KCMF1: variants seen among roughly 807,000 people sequenced by gnomAD.
The protein encoded by KCMF1 is potassium channel modulatory factor 1.
In KCMF1, 3 loss-of-function variants were observed where a neutral mutation model predicts 41.1. That is an observed-to-expected ratio of 0.07 (90% CI 0.03 to 0.19). The LOEUF (loss-of-function observed/expected upper bound fraction) is 0.19, where lower values mean the gene tolerates loss of function less well. Ranked by LOEUF, KCMF1 falls within the 10% of genes least tolerant of loss-of-function variation. KCMF1 has a pLI of 1.00. For missense variants in KCMF1, 286 were observed against 488.9 expected, an observed-to-expected ratio of 0.58 and a Z score of 3.91; for synonymous variants, 142 against 164.5, an observed-to-expected ratio of 0.86 and a Z score of 1.04.
rs78359796 is a variant in KCMF1, at chr2:85,004,197, G to A, written c.17-23692G>A. 4.9e-3 allele frequency among the ~76,000 whole-genome samples: 738 copies of A among 152,148 alleles called. 2 individuals are homozygous for A. The highest frequency in any genetic ancestry group is 0.012 in the South Asian group (57 of 4,814). ...ATATTTTCAGACCACTGTTGACCAC[G>A]GATAACTGAAACCTCAGAAAGCAAA... On this transcript the variant is annotated intron_variant, in intron 1 of 6. Transcript: ENST00000409785.
intron 1 of KCMF1, among the ~76,000 whole-genome samples, chr2:84,999,259 T>C (rs1674269714): frequency 6.6e-6 from 1 of 152,076 alleles, no homozygotes; most frequent in Admixed American, 6.6e-5. Flanking sequence ...GAAGCAATTC[T>C]TCTGCCTCAG....
intron 4 of KCMF1, among the ~76,000 whole-genome samples, chr2:85,044,318 G>A (rs1675612073): frequency 6.6e-6 from 1 of 152,014 alleles, no homozygotes; most frequent in South Asian, 2.1e-4. Flanking sequence ...CCGAGTTCCT[G>A]AGTAGGATAG....
At chr2:84,977,414 G>A (rs1391258568) in intron 1 of KCMF1, among the ~76,000 whole-genome samples, 1 of 152,032 alleles carries the variant, frequency 6.6e-6, no homozygotes, top group African/African-American at 2.4e-5. Context: ...AACAGATTAT[G>A]ACATTCTTAA....
At position 85,053,656 on chromosome 2, in the gene KCMF1, A is replaced by C; in HGVS notation, c.*247A>C. The C allele has an allele frequency of 2.3e-6, 1 of 430,180 alleles. No individual in the cohort carries two copies. The highest frequency in any genetic ancestry group is 4.2e-6 in the Non-Finnish European group (1 of 240,902). The allele number at this position is 430,180 out of a possible 1,614,324, so 26.6% of individuals were successfully genotyped here. On this transcript the variant is annotated 3_prime_UTR_variant, in exon 7 of 7. Transcript: ENST00000409785. ...CTGCTTCCTGTACCTTGACATGCAAAAGGCTCTCCTAATACTCCACATTCA... is the reference window on the plus strand; with the variant it reads ...CTGCTTCCTGTACCTTGACATGCAACAGGCTCTCCTAATACTCCACATTCA...
chr2:85,047,381 G>A (rs369241668), intron 5 of KCMF1, among the ~76,000 whole-genome samples: 99 of 152,250 alleles, frequency 6.5e-4, no homozygotes, highest in African/African-American at 2.2e-3. Flanking sequence ...GCCTATCTCA[G>A]ATGTTGTGCA....
intron 1 of KCMF1, among the ~76,000 whole-genome samples, chr2:85,007,201 G>A (rs1442150941): frequency 6.6e-6 from 1 of 151,838 alleles, no homozygotes; most frequent in Non-Finnish European, 1.5e-5. Context: ...TTTCTCTGCA[G>A]GTTTACTCCC....
chr2:84,983,168 A>G (rs989284953), intron 1 of KCMF1, among the ~76,000 whole-genome samples: 1 of 152,232 alleles, frequency 6.6e-6, no homozygotes, highest in Non-Finnish European at 1.5e-5. Flanking sequence ...ATCTAATGTA[A>G]GCCACATACA....
intron 1 of KCMF1, among the ~76,000 whole-genome samples, chr2:84,979,063 G>T (rs576172546): frequency 1.3e-5 from 2 of 151,738 alleles, no homozygotes; most frequent in Non-Finnish European, 2.9e-5. Context: ...GGCCAGGCTC[G>T]TCTCGAACTC....
chr2:84,992,287 A>G (rs771047599), intron 1 of KCMF1, among the ~76,000 whole-genome samples: 3 of 152,032 alleles, frequency 2.0e-5, no homozygotes, highest in Non-Finnish European at 4.4e-5. Flanking sequence ...ATGGAATCTC[A>G]CTCTGTCGCC....
chr2:85,039,310 T>C (rs1403285113), intron 3 of KCMF1, among the ~76,000 whole-genome samples: 1 of 152,202 alleles, frequency 6.6e-6, no homozygotes, highest in Non-Finnish European at 1.5e-5. Context: ...CTGTGAATAG[T>C]ACCCATCGAG....
At chr2:84,993,741 A>G (rs1271471817) in intron 1 of KCMF1, among the ~76,000 whole-genome samples, 1 of 150,384 alleles carries the variant, frequency 6.6e-6, no homozygotes, top group East Asian at 2.0e-4. Context: ...GTGCCTGGCT[A>G]TTTTTTGTAT....
chr2:85,013,692 G>A (rs1041604073), intron 1 of KCMF1, among the ~76,000 whole-genome samples: 1 of 152,016 alleles, frequency 6.6e-6, no homozygotes, highest in Non-Finnish European at 1.5e-5. Context: ...CAGCTACTCG[G>A]GAGGCTGAGG....
At chr2:85,031,844 A>T (rs1558582178) in intron 2 of KCMF1, among the ~76,000 whole-genome samples, 2 of 151,924 alleles carry the variant, frequency 1.3e-5, no homozygotes, top group South Asian at 4.2e-4. Context: ...GGCTCAAGTG[A>T]TCTTCCCATC....
At chr2:85,044,904 A>C (rs1381335929) in intron 4 of KCMF1, among the ~76,000 whole-genome samples, 1 of 152,182 alleles carries the variant, frequency 6.6e-6, no homozygotes, top group Non-Finnish European at 1.5e-5. Flanking sequence ...CAGAGCGATT[A>C]ATTTTGTGGA....
intron 1 of KCMF1, among the ~76,000 whole-genome samples, chr2:84,978,397 A>G (rs1052128138): frequency 1.5e-4 from 23 of 152,170 alleles, no homozygotes; most frequent in African/African-American, 4.6e-4. Context: ...AAGCTTTGCA[A>G]CCTTTTTAAA....
At chr2:85,028,158 GC>G in intron 2 of KCMF1, 102 bp downstream of exon 2, 1 of 669,648 alleles carries the variant, frequency 1.5e-6, no homozygotes, top group Non-Finnish European at 2.5e-6. Flanking sequence ...CATACCATAA[GC>G]CCCAAATTCA....
chr2:85,049,877 C>G (rs1036593812), intron 6 of KCMF1, among the ~76,000 whole-genome samples: 11 of 152,108 alleles, frequency 7.2e-5, no homozygotes, highest in African/African-American at 2.7e-4. Flanking sequence ...TGGCTCACAC[C>G]TGTAATCCCA....
chr2:85,002,500 GT>G (rs1674357911), intron 1 of KCMF1, among the ~76,000 whole-genome samples: 8 of 152,020 alleles, frequency 5.3e-5, no homozygotes. Flanking sequence ...TCCTTACCTG[GT>G]TTTTCCTAAT....
At chr2:85,035,241 G>A in intron 3 of KCMF1, 86 bp downstream of exon 3, 3 of 1,128,192 alleles carry the variant, frequency 2.7e-6, no homozygotes, top group Non-Finnish European at 3.8e-6. Context: ...ACTGTCATCT[G>A]CTTCCTGCTC....
Sources: allele counts gnomAD v4.1 joint callset (sites outside exome capture counted in the v4.1 genomes callset), GRCh38; gene constraint gnomAD v4.1.1; transcripts MANE v1.5; gene names NCBI Gene and HGNC (gene_info 2026-07-23, HGNC 2026-07-21).